ECT2: variants seen among roughly 807,000 people sequenced by gnomAD.
ECT2 encodes the protein epithelial cell transforming 2.
Under a neutral mutation model 116.9 loss-of-function variants are expected in ECT2, and 61 were observed. The observed-to-expected ratio is 0.52, with a 90% CI of 0.42 to 0.65. The LOEUF is 0.65. ECT2 is among the 30% of genes least tolerant of loss of function. The pLI, the probability that ECT2 is intolerant of heterozygous loss-of-function variation, is 0.00. For synonymous variants in ECT2, 358 were observed against 346.4 expected (o/e 1.03, Z -0.37); for missense variants, 937 against 1,078.7 (o/e 0.87, Z 1.84).
At chr3:172,754,468 G>T in intron 1 of ECT2, 41 bp from the exon 2 acceptor site, 1 of 1,422,464 alleles carries the variant, frequency 7.0e-7, no homozygotes, top group South Asian at 1.4e-5. Context: ...TTTGCCCAAT[G>T]ACCATGTTTA....
intron 21 of ECT2, chr3:172,806,083 C>A: frequency 2.2e-6 from 1 of 447,678 alleles, no homozygotes; most frequent in Non-Finnish European, 4.0e-6. Flanking sequence ...CTATCTCAAC[C>A]TATAGGATAC....
chr3:172,804,340 T>G (rs1170399426), intron 20 of ECT2, among the ~76,000 whole-genome samples: 2 of 152,148 alleles, frequency 1.3e-5, no homozygotes, highest in Non-Finnish European at 2.9e-5. Flanking sequence ...ATACTTTTTT[T>G]TGGTCAATCA....
At chr3:172,766,689 A>G (rs1030640816) in intron 12 of ECT2, among the ~76,000 whole-genome samples, 1 of 152,220 alleles carries the variant, frequency 6.6e-6, no homozygotes, top group African/African-American at 2.4e-5. Flanking sequence ...GGAAATTTAT[A>G]TTTTGGAGGG....
At chr3:172,757,205 T>C in intron 5 of ECT2, 40 bp downstream of exon 5, 1 of 1,361,592 alleles carries the variant, frequency 7.3e-7, no homozygotes, top group Admixed American at 2.9e-5. Context: ...AAGTTAAAAT[T>C]TTTATTAATG....
downstream of ECT2, among the ~76,000 whole-genome samples, chr3:172,826,339 A>T (rs1730842650): frequency 6.6e-6 from 1 of 152,212 alleles, no homozygotes; most frequent in African/African-American, 2.4e-5. Context: ...GGCCATTAAG[A>T]TTATCCTAAA....
chr3:172,788,186 A>G (rs1723951559), intron 18 of ECT2, among the ~76,000 whole-genome samples: 2 of 152,202 alleles, frequency 1.3e-5, no homozygotes, highest in African/African-American at 2.4e-5. Flanking sequence ...AATGCTTATT[A>G]TGGTTGATTA....
intron 15 of ECT2, among the ~76,000 whole-genome samples, chr3:172,783,551 A>G (rs546666236): frequency 6.6e-6 from 1 of 152,042 alleles, no homozygotes; most frequent in South Asian, 2.1e-4. Context: ...CAGCTTTAAC[A>G]TATCTTTTGT....
At chr3:172,771,512 A>G (rs999309389) in intron 13 of ECT2, 4 of 152,246 alleles carry the variant, frequency 2.6e-5, no homozygotes, top group African/African-American at 4.8e-5. Context: ...TGTATTATCA[A>G]TAGCAAGGGT....
intron 6 of ECT2, 108 bp from the exon 7 acceptor site, chr3:172,760,048 A>T (rs1416268868): frequency 1.7e-6 from 1 of 579,242 alleles, no homozygotes; most frequent in African/African-American, 1.9e-5. Context: ...TCCCGTATGT[A>T]TTTTATAAAT....
intron 11 of ECT2, among the ~76,000 whole-genome samples, chr3:172,763,523 A>C (rs1057147357): frequency 6.6e-6 from 1 of 152,212 alleles, no homozygotes; most frequent in Non-Finnish European, 1.5e-5. Context: ...GATAGATAGA[A>C]TCAAGAAGTT....
chr3:172,793,091 G>A (rs1011414111), intron 18 of ECT2, among the ~76,000 whole-genome samples: 12 of 152,218 alleles, frequency 7.9e-5, no homozygotes, highest in African/African-American at 2.7e-4. Flanking sequence ...CCCATCAACA[G>A]TGTGTGGTGT....
rs200790013 is a variant in ECT2 at position 172,811,983 on chromosome 3, C to CTTT, written c.2401-3607_2401-3605dup. On this transcript the variant is annotated intron_variant, in intron 22 of 24. Coordinates refer to ENST00000392692, the MANE Select transcript of ECT2 (RefSeq NM_001258315.2). Reference sequence around the variant, plus strand: ...ATGTACATTCTTCAAAAATGTATTTCTTTTTTTTTTTTTTTTGGGAGACAA... The same window carrying CTTT: ...ATGTACATTCTTCAAAAATGTATTTCTTTTTTTTTTTTTTTTTTTGGGAGACAA... Among the ~76,000 whole-genome samples the CTTT allele has an allele frequency of 2.6e-3, 344 of 134,606 alleles. 2 individuals are homozygous for CTTT. Among genetic ancestry groups the CTTT allele is most frequent in the African/African-American group, 8.8e-3 (322 of 36,474 alleles). 88.3% of individuals were successfully genotyped at this position (134,606 alleles called of 152,430 possible). A position where few individuals can be genotyped will look rare whatever the true frequency, so the allele number is the denominator to read the frequency against.
chr3:172,783,429 C>T (rs889843627), intron 15 of ECT2, among the ~76,000 whole-genome samples: 1 of 151,880 alleles, frequency 6.6e-6, no homozygotes, highest in Non-Finnish European at 1.5e-5. Context: ...CTTTTAATGG[C>T]GGTTTGGATT....
At chr3:172,788,915 G>A (rs1288792906) in intron 18 of ECT2, among the ~76,000 whole-genome samples, 5 of 152,018 alleles carry the variant, frequency 3.3e-5, no homozygotes, top group African/African-American at 1.2e-4. Context: ...AAAATTAGCT[G>A]GGCATGGTTG....
intron 13 of ECT2, among the ~76,000 whole-genome samples, chr3:172,770,894 G>A (rs1308376068): frequency 2.6e-5 from 4 of 151,884 alleles, no homozygotes; most frequent in Non-Finnish European, 4.4e-5. Flanking sequence ...CCAAATGGAA[G>A]GTATCAGCAT....
chr3:172,758,910 A>G, intron 5 of ECT2, 70 bp from the exon 6 acceptor site: 1 of 1,272,818 alleles, frequency 7.9e-7, no homozygotes, highest in South Asian at 1.3e-5. Flanking sequence ...AAATATATTT[A>G]GCTTGAGAAA....
downstream of ECT2, among the ~76,000 whole-genome samples, chr3:172,824,676 C>T (rs562122982): frequency 2.4e-4 from 36 of 152,300 alleles, no homozygotes; most frequent in African/African-American, 8.2e-4. Flanking sequence ...TTTATCACTT[C>T]AAAATATATT....
chr3:172,788,045 T>C (rs1291564625), intron 18 of ECT2, among the ~76,000 whole-genome samples: 1 of 152,194 alleles, frequency 6.6e-6, no homozygotes, highest in African/African-American at 2.4e-5. Context: ...GCCTTTCTCA[T>C]AGATTTTCAA....
intron 21 of ECT2, 86 bp downstream of exon 21, chr3:172,805,955 A>G (rs546607729): frequency 1.4e-6 from 2 of 1,388,152 alleles, no homozygotes; most frequent in Non-Finnish European, 2.0e-6. Context: ...GCTTTTTTAA[A>G]TTGGTAAATT....
Sources: allele counts gnomAD v4.1 joint callset (sites outside exome capture counted in the v4.1 genomes callset), GRCh38; gene constraint gnomAD v4.1.1; transcripts MANE v1.5; gene names NCBI Gene and HGNC (gene_info 2026-07-23, HGNC 2026-07-21).